Variants in FNTB observed in about 807,000 individuals in gnomAD.
FNTB encodes farnesyltransferase, CAAX box, subunit beta.
Under a neutral mutation model 59.4 loss-of-function variants are expected in FNTB, and 27 were observed. The observed-to-expected ratio is 0.45, with a 90% CI of 0.34 to 0.63. FNTB has a LOEUF of 0.63. Among genes scored for constraint, FNTB ranks in the 20% least tolerant of loss-of-function variants. FNTB has a pLI of 0.02. For synonymous variants in FNTB, 230 were observed against 220.7 expected (o/e 1.04, Z -0.37); for missense variants, 449 against 559.6 (o/e 0.80, Z 1.99).
At chr14:65,002,594 G>C (rs926538308) in intron 1 of FNTB, among the ~76,000 whole-genome samples, 2 of 151,680 alleles carry the variant, frequency 1.3e-5, no homozygotes. Flanking sequence ...GGATGACAGA[G>C]ACTCCGTCTC....
At chr14:64,989,272 C>CAA (rs58654871) in intron 1 of FNTB, among the ~76,000 whole-genome samples, 52 of 69,898 alleles carry the variant, frequency 7.4e-4, no homozygotes, top group African/African-American at 2.2e-3. Flanking sequence ...CTGTCTCTAC[C>CAA]AAAAAAAAAA....
In FNTB at chr14:65,009,054, G is replaced by C. The variant is rs2061642669; in HGVS notation, c.210-3263G>C. 6.6e-6 allele frequency among the ~76,000 whole-genome samples: 1 copy of C among 152,142 alleles called. No individual in the cohort carries two copies. Among genetic ancestry groups the C allele is most frequent in the Admixed American group, 6.5e-5 (1 of 15,282 alleles). On this transcript the variant is annotated intron_variant, in intron 2 of 11. Coordinates refer to ENST00000246166, the MANE Select transcript of FNTB (RefSeq NM_002028.4). This position sits in a 1 kb window ranked among gnomAD's most constrained non-coding sequence, Gnocchi z 4.2. ...CTGCTCCATGTAATTGAATGGTTTTGGGGCTGAATTGTTCAGGTAAAAATA... is the reference window on the plus strand; with the variant it reads ...CTGCTCCATGTAATTGAATGGTTTTCGGGCTGAATTGTTCAGGTAAAAATA...
Position 65,012,663 on chromosome 14 carries a change from T to A in FNTB, c.282+274T>A, listed in dbSNP as rs1384663693. On this transcript the variant is annotated intron_variant, in intron 3 of 11. Coordinates refer to ENST00000246166, the MANE Select transcript of FNTB (RefSeq NM_002028.4). This position sits in a 1 kb window ranked among gnomAD's most constrained non-coding sequence, Gnocchi z 5.0. ...GACTAAGGGGTTCACGTGCTTTATC[T>A]AGACCTCCTTGACAGCTGGCTAAAT... Among the ~76,000 whole-genome samples, 1 of 152,240 alleles carries A rather than the reference T, an allele frequency of 6.6e-6. No individual in the cohort carries two copies. The highest frequency in any genetic ancestry group is 1.5e-5 in the Non-Finnish European group (1 of 68,042).
At chr14:65,004,626 C>G (rs2061553302) in intron 2 of FNTB, among the ~76,000 whole-genome samples, 1 of 152,014 alleles carries the variant, frequency 6.6e-6, no homozygotes, top group Non-Finnish European at 1.5e-5. Flanking sequence ...CTGCTCTGGT[C>G]TTCAGATGAG....
At position 64,991,765 on chromosome 14, in the gene FNTB, T is replaced by TA. The variant is rs1462910484; in HGVS notation, c.144+4669dup. Among the ~76,000 whole-genome samples the TA allele has an allele frequency of 3.3e-5, 5 of 151,948 alleles. No homozygotes were observed. Among genetic ancestry groups the TA allele is most frequent in the African/African-American group, 7.2e-5 (3 of 41,416 alleles). On this transcript the variant is annotated intron_variant, in intron 1 of 11. Coordinates refer to ENST00000246166, the MANE Select transcript of FNTB (RefSeq NM_002028.4). The surrounding 1 kb of genome is among the most constrained non-coding windows in gnomAD (Gnocchi z 4.4). ...GTGGAACTGGGTGGGCTGTAAAAAA[T>TA]AGAGTTTGGGGCAGCCATTCAAGGA...
Position 65,011,597 on chromosome 14 carries a change from T to C in FNTB, c.210-720T>C, listed in dbSNP as rs2061684589. On this transcript the variant is annotated intron_variant, in intron 2 of 11. Coordinates refer to ENST00000246166, the MANE Select transcript of FNTB (RefSeq NM_002028.4). The surrounding 1 kb of genome is among the most constrained non-coding windows in gnomAD (Gnocchi z 4.0). ...CGGGGAACATCTTGACAATCTGTGC[T>C]TTTTGTTTCCTTCCCTAGTCACACA... Among the ~76,000 whole-genome samples the C allele has an allele frequency of 6.6e-6, 1 of 152,240 alleles. No individual in the cohort carries two copies. Among genetic ancestry groups the C allele is most frequent in the Admixed American group, 6.5e-5 (1 of 15,290 alleles).
chr14:65,059,677 T>C (rs1307203255), intron 11 of FNTB, among the ~76,000 whole-genome samples: 1 of 152,126 alleles, frequency 6.6e-6, no homozygotes, highest in Non-Finnish European at 1.5e-5. Flanking sequence ...TCCTGAATAT[T>C]GGCCTAGGAT....
rs184158452 is a variant in FNTB at position 65,061,036 on chromosome 14, A to C, written c.1183-145A>C. On this transcript the variant is annotated intron_variant, in intron 11 of 11. Transcript: ENST00000246166. ...CATGTACTAGATAGTTTTAGCAAAT[A>C]CACCATTTTTGAACCTTTGGGCTTT... 15 of 1,330,728 alleles carry C rather than the reference A, an allele frequency of 1.1e-5. No individual in the cohort carries two copies. In the African/African-American group the frequency reaches 1.9e-4, roughly 17 times the overall value. The allele number at this position is 1,330,728 out of a possible 1,614,324, so 82.4% of individuals were successfully genotyped here. A position where few individuals can be genotyped will look rare whatever the true frequency, so the allele number is the denominator to read the frequency against.
chr14:65,015,416 T>TC, intron 3 of FNTB: 10 of 284,472 alleles, frequency 3.5e-5, no homozygotes, highest in Middle Eastern at 1.1e-3. Context: ...TTATCTTTTT[T>TC]TTTTTTTTTT....
intron 9 of FNTB, among the ~76,000 whole-genome samples, chr14:65,048,971 A>G (rs1478304461): frequency 6.6e-6 from 1 of 152,098 alleles, no homozygotes; most frequent in East Asian, 1.9e-4. Flanking sequence ...CTAAAGATAC[A>G]AAAAATTAGC....
intron 10 of FNTB, 129 bp downstream of exon 10, chr14:65,053,478 T>C (rs887329414): frequency 3.7e-5 from 30 of 810,884 alleles, no homozygotes; most frequent in Non-Finnish European, 4.6e-5. Flanking sequence ...TAGCGCTAGG[T>C]TGTATGGGAA....
intron 1 of FNTB, among the ~76,000 whole-genome samples, chr14:64,988,430 A>T (rs940517516): frequency 1.4e-5 from 2 of 147,852 alleles, no homozygotes; most frequent in Non-Finnish European, 3.0e-5. Flanking sequence ...CTGACCTTAG[A>T]CTATGGGATT....
rs901704729 is a variant in FNTB at position 65,023,325 on chromosome 14, G to C, written c.375-4128G>C. On this transcript the variant is annotated intron_variant, in intron 4 of 11. Transcript: ENST00000246166. This position sits in a 1 kb window ranked among gnomAD's most constrained non-coding sequence, Gnocchi z 4.1. The stretch of plus-strand genomic sequence containing the variant: ...CCCCCTCACCTCAGCCAAAGTGCTG[G>C]GATTACAGGCATGAGCCACCACGCC... Among the ~76,000 whole-genome samples, 3 of 152,080 alleles carry C rather than the reference G, an allele frequency of 2.0e-5. No homozygotes were observed. Among genetic ancestry groups the C allele is most frequent in the African/African-American group, 7.2e-5 (3 of 41,402 alleles).
At chr14:65,008,701 G>A (rs1423093206) in intron 2 of FNTB, among the ~76,000 whole-genome samples, 1 of 152,232 alleles carries the variant, frequency 6.6e-6, no homozygotes, top group Non-Finnish European at 1.5e-5. Context: ...GAAAGGAGCG[G>A]AGCTCAAAGA....
chr14:65,018,084 G>A (rs571838178), intron 4 of FNTB, among the ~76,000 whole-genome samples: 2 of 152,244 alleles, frequency 1.3e-5, no homozygotes, highest in East Asian at 1.9e-4. Flanking sequence ...GATCACACCT[G>A]TAACCCCAGC....
chr14:64,988,005 T>C (rs1353314315), intron 1 of FNTB, among the ~76,000 whole-genome samples: 3 of 152,212 alleles, frequency 2.0e-5, no homozygotes, highest in Non-Finnish European at 1.5e-5. Context: ...CTTAGTGAGA[T>C]CAGTCTCCAG....
chr14:65,024,873 C>G (rs1290014390), intron 4 of FNTB, among the ~76,000 whole-genome samples: 6 of 152,184 alleles, frequency 3.9e-5, no homozygotes, highest in Non-Finnish European at 7.3e-5. Context: ...CCTGCCTTGG[C>G]CTCCCAAAGT....
intron 4 of FNTB, among the ~76,000 whole-genome samples, chr14:65,016,997 A>G (rs979977473): frequency 7.0e-6 from 1 of 141,862 alleles, no homozygotes; most frequent in African/African-American, 2.7e-5. Context: ...GTCTCAGCTC[A>G]CTGCTGCCTC....
chr14:65,016,520 T>A (rs891922481), intron 4 of FNTB: 1 of 152,250 alleles, frequency 6.6e-6, no homozygotes, highest in Non-Finnish European at 1.5e-5. Flanking sequence ...GAGAGACTTC[T>A]GAGCCAGGTT....
Sources: gnomAD v4.1 joint callset for allele counts (sites outside exome capture counted in the v4.1 genomes callset) on GRCh38, gnomAD v4.1.1 for gene constraint, Gnocchi (gnomAD v3.1) non-coding constraint, MANE v1.5 for transcripts, NCBI Gene and HGNC (gene_info 2026-07-23, HGNC 2026-07-21) for gene names.